Variants in CEP104 observed in about 807,000 individuals in gnomAD.
CEP104 encodes centrosomal protein of 104 kDa.
CEP104 carries 84 observed loss-of-function variants against 113.3 expected under a neutral mutation model. That is an observed-to-expected ratio of 0.74 (90% CI 0.62 to 0.89). CEP104 has a LOEUF of 0.89. Ranked by LOEUF, CEP104 falls within the 40% of genes least tolerant of loss-of-function variation. The probability of loss-of-function intolerance (pLI) is 0.00; values close to 1 mark genes in which losing one functional copy is unlikely to be tolerated. For missense variants in CEP104, 1,053 were observed against 1,156.6 expected, an observed-to-expected ratio of 0.91 and a Z score of 1.30; for synonymous variants, 378 against 421.7, an observed-to-expected ratio of 0.90 and a Z score of 1.27.
In CEP104 at chr1:3,815,264, T is replaced by C; in HGVS notation, c.*138A>G. On this transcript the variant is annotated 3_prime_UTR_variant, in exon 22 of 22. Transcript: ENST00000378230. ...CACGAGAGCTGACGGCACAGACGCG[T>C]AAGAGGCGTGCACGGCGGGGAGCTG... is the stretch of plus-strand genomic sequence containing the variant. 1 of 651,782 alleles carries C rather than the reference T, an allele frequency of 1.5e-6. No individual in the cohort carries two copies. Among genetic ancestry groups the C allele is most frequent in the Non-Finnish European group, 2.7e-6 (1 of 369,078 alleles). The allele number at this position is 651,782 out of a possible 1,614,324, so 40.4% of individuals were successfully genotyped here.
At position 3,829,293 on chromosome 1, in the gene CEP104, T is replaced by C. The variant is rs139817583; in HGVS notation, c.2124A>G (p.Ala708=). Residue 708 remains alanine, a synonymous_variant, in exon 15 of 22, where the codon GCA becomes GCG. Coordinates refer to ENST00000378230, the MANE Select transcript of CEP104 (RefSeq NM_014704.4). ...GAACTTCAGCCTGAATTTCTTTCAG[T>C]GCTGCCAGCTGCCCTTGTAAAGCTT... The part of the protein sequence containing the change: ...EIKALQGQLA[A]LKEIQAEVQE... 2,598 of 1,590,476 alleles carry C rather than the reference T, an allele frequency of 1.6e-3. 5 individuals are homozygous for C. The highest frequency in any genetic ancestry group is 2.0e-3 in the Non-Finnish European group (2,322 of 1,174,658).
chr1:3,850,707 G>C (rs1644594311), intron 2 of CEP104, among the ~76,000 whole-genome samples: 1 of 152,202 alleles, frequency 6.6e-6, no homozygotes, highest in Admixed American at 6.5e-5. Context: ...CCTCAGGGAA[G>C]TCAAGAGACC....
intron 18 of CEP104, among the ~76,000 whole-genome samples, chr1:3,824,039 ACT>A (rs1644035032): frequency 6.6e-6 from 1 of 152,206 alleles, no homozygotes; most frequent in African/African-American, 2.4e-5. Flanking sequence ...GACTTGACAC[ACT>A]GTGAGCCAGT....
In CEP104 at chr1:3,830,776, CAA is replaced by C. The variant is rs61056063; in HGVS notation, c.1836+268_1836+269del. Reference sequence around the variant, plus strand: ...TGGGCGACAGAACGAGACTCCATCTCAAAAAAAAAAAAAAAAAAAGACAAAGA... The same window carrying C: ...TGGGCGACAGAACGAGACTCCATCTCAAAAAAAAAAAAAAAAAGACAAAGA... On this transcript the variant is annotated intron_variant, in intron 13 of 21. Transcript: ENST00000378230. Among the ~76,000 whole-genome samples the C allele has an allele frequency of 0.34, 36,503 of 108,892 alleles. 6,170 individuals carry two copies. Among genetic ancestry groups the C allele is most frequent in the African/African-American group, 0.53 (15,590 of 29,452 alleles). The allele number at this position is 108,892 out of a possible 152,430, so 71.4% of individuals were successfully genotyped here.
chr1:3,819,865 C>T lies in CEP104; in HGVS notation c.2571+3309G>A, dbSNP rs1254275682. 2.0e-5 allele frequency among the ~76,000 whole-genome samples: 3 copies of T among 152,164 alleles called. No homozygotes were observed. The highest frequency in any genetic ancestry group is 7.2e-5 in the African/African-American group (3 of 41,434). On this transcript the variant is annotated intron_variant, in intron 20 of 21. Transcript: ENST00000378230. The surrounding 1 kb of genome is among the most constrained non-coding windows in gnomAD (Gnocchi z 4.6). ...TGCTGGCCTCGAGGAAGTGAGCTGCCAGCAGAGAGGCCCCCGGTGCTGACG... is the reference window on the plus strand; with the variant it reads ...TGCTGGCCTCGAGGAAGTGAGCTGCTAGCAGAGAGGCCCCCGGTGCTGACG...
At position 3,833,663 on chromosome 1, in the gene CEP104, C is replaced by T. The variant is rs1644258089; in HGVS notation, c.1659+199G>A. 3 of 438,188 alleles carry T rather than the reference C, an allele frequency of 6.8e-6. No individual in the cohort carries two copies. In the South Asian group the frequency reaches 2.5e-4, roughly 37 times the overall value. The allele number at this position is 438,188 out of a possible 1,614,324, so 27.1% of individuals were successfully genotyped here. On this transcript the variant is annotated intron_variant, in intron 12 of 21. Transcript: ENST00000378230. Reference sequence around the variant, plus strand: ...TTGGATAAAAAAAACATTGGAAAAACCCAACTGTAGATTTTAACTGAAGTT... The same window carrying T: ...TTGGATAAAAAAAACATTGGAAAAATCCAACTGTAGATTTTAACTGAAGTT...
chr1:3,836,716 A>G (rs1326242737), intron 9 of CEP104, 24 bp from the exon 10 acceptor site: 1 of 1,610,474 alleles, frequency 6.2e-7, no homozygotes, highest in Non-Finnish European at 8.5e-7. Context: ...AGGAGAGAGG[A>G]AAGTGCTGGG....
chr1:3,832,189 C>T (rs186344722), intron 12 of CEP104, among the ~76,000 whole-genome samples: 372 of 152,328 alleles, frequency 2.4e-3, no homozygotes, highest in Non-Finnish European at 3.7e-3. Context: ...CCCTCCTCAC[C>T]CCCAAATTCT....
intron 6 of CEP104, chr1:3,843,310 C>T (rs578091906): frequency 2.4e-4 from 154 of 641,308 alleles, no homozygotes; most frequent in South Asian, 1.0e-3. Flanking sequence ...GATTCACCCC[C>T]GGTTCTTACA....
At chr1:3,846,679 G>A (rs577546944) in intron 4 of CEP104, among the ~76,000 whole-genome samples, 2 of 152,294 alleles carry the variant, frequency 1.3e-5, no homozygotes, top group South Asian at 2.1e-4. Context: ...GCTTCCTGGC[G>A]TGTTATGCTG....
At chr1:3,847,788 C>T (rs1051757887) in intron 3 of CEP104, 175 bp from the exon 4 acceptor site, 1 of 620,266 alleles carries the variant, frequency 1.6e-6, no homozygotes, top group Non-Finnish European at 2.7e-6. Context: ...AATGAAAAAC[C>T]TAGGAAAAAC....
At chr1:3,853,040 TG>T (rs769813134) in intron 1 of CEP104, among the ~76,000 whole-genome samples, 3 of 152,390 alleles carry the variant, frequency 2.0e-5, no homozygotes, top group Admixed American at 6.5e-5. Context: ...AATGAATTTC[TG>T]GTGTTTTAAG....
At position 3,823,461 on chromosome 1, in the gene CEP104, T is replaced by C. The variant is rs1644020835; in HGVS notation, c.2466A>G (p.Glu822=). The change falls in exon 19 of 22, where the codon GAA becomes GAG. Residue 822 remains glutamate (E), a synonymous_variant. Transcript: ENST00000378230. This position sits in a 1 kb window ranked among gnomAD's most constrained non-coding sequence, Gnocchi z 4.1. ...CYRCSEAVFK[E]ELPRHIKHKD... is the part of the protein sequence containing the mutation. ...TGTGTTTTATGTGTCTGGGCAGCTCTTCCTTGAAAACAGCCTCACTGCAAC... is the reference window on the plus strand; with the variant it reads ...TGTGTTTTATGTGTCTGGGCAGCTCCTCCTTGAAAACAGCCTCACTGCAAC... The C allele has an allele frequency of 6.2e-7, 1 of 1,614,058 alleles. No homozygotes were observed. The highest frequency in any genetic ancestry group is 1.7e-5 in the Admixed American group (1 of 60,012).
At chr1:3,842,547 C>T (rs899230750) in intron 6 of CEP104, among the ~76,000 whole-genome samples, 157 of 152,272 alleles carry the variant, frequency 1.0e-3, no homozygotes, top group African/African-American at 3.7e-3. Context: ...CTCAGCAAAT[C>T]GCATGTGGCT....
At chr1:3,827,252 T>C (rs893525764) in intron 15 of CEP104, among the ~76,000 whole-genome samples, 1 of 152,132 alleles carries the variant, frequency 6.6e-6, no homozygotes, top group Non-Finnish European at 1.5e-5. Flanking sequence ...AGGGTCTCAC[T>C]CTGTTGCCTA....
At chr1:3,836,455 C>G (rs766261166) in intron 10 of CEP104, 40 bp downstream of exon 10, 2 of 1,554,458 alleles carry the variant, frequency 1.3e-6, no homozygotes, top group African/African-American at 2.8e-5. Context: ...ACTAGCCTCC[C>G]CTCTGCCACC....
chr1:3,840,193 G>C (rs548499976), intron 6 of CEP104, among the ~76,000 whole-genome samples: 8 of 152,300 alleles, frequency 5.3e-5, no homozygotes, highest in African/African-American at 1.9e-4. Context: ...GTGGGCCCAA[G>C]ATGGAGTCCA....
chr1:3,831,359 G>C (rs367746118), intron 12 of CEP104, 137 bp from the exon 13 acceptor site: 1 of 664,112 alleles, frequency 1.5e-6, no homozygotes, highest in East Asian at 2.6e-5. Context: ...GGAGCAATGA[G>C]AGCACTGATC....
chr1:3,832,028 A>G (rs966906962), intron 12 of CEP104, among the ~76,000 whole-genome samples: 2 of 152,266 alleles, frequency 1.3e-5, no homozygotes, highest in Non-Finnish European at 2.9e-5. Context: ...ACTGGTGCAC[A>G]ATTGTAACCC....
Sources: gnomAD v4.1 joint callset for allele counts (sites outside exome capture counted in the v4.1 genomes callset) on GRCh38, gnomAD v4.1.1 for gene constraint, Gnocchi (gnomAD v3.1) non-coding constraint, MANE v1.5 for transcripts, NCBI Gene and HGNC (gene_info 2026-07-23, HGNC 2026-07-21) for gene names.